Variants in WNT11 observed in about 807,000 individuals in gnomAD.
WNT11 encodes protein Wnt-11.
WNT11 carries 20 observed loss-of-function variants against 35.6 expected under a neutral mutation model. The ratio of observed to expected loss-of-function variants is 0.56; its 90% confidence interval spans 0.40 to 0.82. The LOEUF is 0.82. Ranked by LOEUF, WNT11 falls within the 40% of genes least tolerant of loss-of-function variation. The pLI, the probability that WNT11 is intolerant of heterozygous loss-of-function variation, is 0.00. For missense variants in WNT11, 459 were observed against 504.4 expected (o/e 0.91, Z 0.86); for synonymous variants, 200 against 211.9 (o/e 0.94, Z 0.49).
intron 4 of WNT11, among the ~76,000 whole-genome samples, chr11:76,189,929 G>A (rs917633786): frequency 5.9e-5 from 9 of 152,182 alleles, no homozygotes; most frequent in South Asian, 4.1e-4. Flanking sequence ...ACCGGGAGCC[G>A]CAAGGCAGGA....
upstream of WNT11, chr11:76,210,584 G>A (rs1408568635): frequency 4.1e-6 from 4 of 985,118 alleles, no homozygotes; most frequent in African/African-American, 7.0e-5. Flanking sequence ...GGCGAGCGGC[G>A]AAGGCGCCCT....
Position 76,206,369 on chromosome 11 carries a change from G to T in WNT11, c.39C>A (p.Phe13Leu). ...ACACGCCGGTCTGGAGCGCCAGGGC[G>T]AAGAGCAGCGCCTCGCAGACCTGCG... The part of the protein sequence containing the change: ...ARPQVCEALL[F>L]ALALQTGVCY... The change falls in exon 1 of 5, where the codon TTC becomes TTA. Residue 13 changes from phenylalanine to leucine, a missense_variant. Physicochemically the swap from Phe to Leu is conservative, Grantham distance 22. Coordinates refer to ENST00000322563, the MANE Select transcript of WNT11 (RefSeq NM_004626.3). The T allele has an allele frequency of 6.4e-7, 1 of 1,566,328 alleles. No homozygotes were observed.
chr11:76,207,802 G>A (rs547804654), upstream of WNT11, among the ~76,000 whole-genome samples: 9 of 152,246 alleles, frequency 5.9e-5, no homozygotes, highest in East Asian at 1.7e-3. Context: ...CCCGCCCGCA[G>A]CCCGCGGAGC....
At position 76,206,367 on chromosome 11, in the gene WNT11, G is replaced by A. The variant is rs1953474057; in HGVS notation, c.41C>T (p.Ala14Val). The A allele has an allele frequency of 3.8e-6, 6 of 1,566,182 alleles. No homozygotes were observed. Among genetic ancestry groups the A allele is most frequent in the Non-Finnish European group, 5.2e-6 (6 of 1,161,562 alleles). The change falls in exon 1 of 5, where the codon GCC becomes GTC. Residue 14 changes from alanine to valine, a missense_variant. Coordinates refer to ENST00000322563, the MANE Select transcript of WNT11 (RefSeq NM_004626.3). ...RPQVCEALLF[A>V]LALQTGVCYG... ...GCACACGCCGGTCTGGAGCGCCAGG[G>A]CGAAGAGCAGCGCCTCGCAGACCTG...
At chr11:76,201,895 G>T (rs77803107) in intron 1 of WNT11, among the ~76,000 whole-genome samples, 161 of 152,266 alleles carry the variant, frequency 1.1e-3, no homozygotes, top group African/African-American at 3.7e-3. Flanking sequence ...TAGGGGACCC[G>T]CCTGTGTAAG....
intron 1 of WNT11, 112 bp from the exon 2 acceptor site, chr11:76,196,830 T>C (rs1591307023): frequency 5.0e-6 from 6 of 1,202,050 alleles, no homozygotes; most frequent in Non-Finnish European, 6.9e-6. Context: ...GGACTTTGCC[T>C]CCTGGTTTCC....
At chr11:76,187,898 C>T (rs11236646) in intron 4 of WNT11, among the ~76,000 whole-genome samples, 26,177 of 152,092 alleles carry the variant, frequency 0.17, 2,508 homozygotes, top group Admixed American at 0.29. Flanking sequence ...TACAGAGTCT[C>T]GCTCTGTTGC....
intron 4 of WNT11, among the ~76,000 whole-genome samples, chr11:76,188,192 C>T (rs1413480959): frequency 1.3e-5 from 2 of 152,258 alleles, no homozygotes; most frequent in Non-Finnish European, 2.9e-5. Flanking sequence ...GTGGGTCAGG[C>T]TCTCCCTCCA....
intron 1 of WNT11, among the ~76,000 whole-genome samples, chr11:76,202,031 T>C (rs1450109793): frequency 1.3e-5 from 2 of 152,120 alleles, no homozygotes. Context: ...TCAGGCTCCT[T>C]TAAGTGACCT....
intron 1 of WNT11, among the ~76,000 whole-genome samples, chr11:76,205,944 C>A (rs1270628798): frequency 4.6e-5 from 7 of 152,190 alleles, no homozygotes; most frequent in African/African-American, 1.7e-4. Flanking sequence ...GCGGAACTCC[C>A]GCTAGGGTCA....
upstream of WNT11, chr11:76,210,384 A>G: frequency 1.0e-6 from 1 of 974,516 alleles, no homozygotes; most frequent in Non-Finnish European, 1.2e-6. Context: ...GGCGGGTGCG[A>G]GAAGCGTCGT....
intron 1 of WNT11, among the ~76,000 whole-genome samples, chr11:76,202,362 C>T (rs115171542): frequency 3.2e-4 from 49 of 152,288 alleles, no homozygotes; most frequent in African/African-American, 1.2e-3. Context: ...CATCTGTGGA[C>T]CCTGCTGACC....
chr11:76,188,305 T>C (rs772423825), intron 4 of WNT11, among the ~76,000 whole-genome samples: 9 of 152,216 alleles, frequency 5.9e-5, no homozygotes, highest in East Asian at 1.9e-4. Flanking sequence ...AGGCTTAAAC[T>C]TGGGGACTAA....
rs1428529793 is a variant in WNT11, at chr11:76,196,634, C to A, written c.168G>T (p.Val56=). The A allele has an allele frequency of 6.2e-7, 1 of 1,613,690 alleles. No homozygotes were observed. The highest frequency in any genetic ancestry group is 8.5e-7 in the Non-Finnish European group (1 of 1,180,036). ...KQLEGLVSAQ[V]QLCRSNLELM... The stretch of plus-strand genomic sequence containing the variant: ...GCTCCAGGTTGCTGCGGCACAGCTG[C>A]ACCTGTGCAGACACCAGACCCTCCA... Residue 56 remains valine, a synonymous_variant, in exon 2 of 5, where the codon GTG becomes GTT. Transcript: ENST00000322563.
intron 4 of WNT11, among the ~76,000 whole-genome samples, chr11:76,188,994 T>A (rs1487487697): frequency 6.6e-6 from 1 of 152,102 alleles, no homozygotes; most frequent in East Asian, 1.9e-4. Flanking sequence ...GGGGAGCGCC[T>A]GGGGAGAGTC....
Position 76,191,728 on chromosome 11 carries a change from C to G in WNT11, c.726G>C (p.Leu242=). The change falls in exon 4 of 5, where the codon CTG becomes CTC. Residue 242 remains leucine, a synonymous_variant. Coordinates refer to ENST00000322563, the MANE Select transcript of WNT11 (RefSeq NM_004626.3). ...DVAADLKTRY[L]SATKVVHRPM... is the part of the protein sequence containing the mutation. ...GTCGGTGCACTACCTTGGTGGCCGA[C>G]AGGTATCGGGTCTTGAGGTCAGCAG... The G allele has an allele frequency of 6.2e-7, 1 of 1,613,828 alleles. No homozygotes were observed. The highest frequency in any genetic ancestry group is 1.1e-5 in the South Asian group (1 of 91,086).
intron 3 of WNT11, among the ~76,000 whole-genome samples, chr11:76,193,643 G>A (rs1277265578): frequency 4.6e-5 from 7 of 152,266 alleles, no homozygotes; most frequent in Admixed American, 3.3e-4. Flanking sequence ...AGACCCTTGA[G>A]AACAGGTGAG....
intron 1 of WNT11, among the ~76,000 whole-genome samples, chr11:76,199,938 T>C (rs1953349007): frequency 6.6e-6 from 1 of 152,218 alleles, no homozygotes; most frequent in South Asian, 2.1e-4. Context: ...GGGCAAACTA[T>C]TGCCCCTCTC....
intron 3 of WNT11, among the ~76,000 whole-genome samples, 181 bp from the exon 4 acceptor site, chr11:76,192,037 G>T (rs1166400695): frequency 2.0e-5 from 3 of 152,136 alleles, no homozygotes; most frequent in Non-Finnish European, 4.4e-5. Flanking sequence ...TGCAACCGTG[G>T]GGGGCACAGC....
Sources: allele counts gnomAD v4.1 joint callset (sites outside exome capture counted in the v4.1 genomes callset), GRCh38; gene constraint gnomAD v4.1.1; transcripts MANE v1.5; gene names NCBI Gene and HGNC (gene_info 2026-07-23, HGNC 2026-07-21).